RBFOX1: variants seen among roughly 807,000 people sequenced by gnomAD.
The protein encoded by RBFOX1 is RNA binding fox-1 homolog 1.
A neutral mutation model predicts 57.7 loss-of-function variants in RBFOX1; 8 were observed. That is an observed-to-expected ratio of 0.14 (90% CI 0.08 to 0.25). The LOEUF (loss-of-function observed/expected upper bound fraction) is 0.25. Among genes scored for constraint, RBFOX1 ranks in the 10% least tolerant of loss-of-function variants. The pLI is 1.00. For synonymous variants in RBFOX1, 326 were observed against 222.4 expected (o/e 1.47, Z -4.15); for missense variants, 611 against 548.5 (o/e 1.11, Z -1.14).
At chr16:6,577,650 A>G (rs1372094783) in intron 2 of RBFOX1, among the ~76,000 whole-genome samples, 2 of 152,166 alleles carry the variant, frequency 1.3e-5, no homozygotes, top group African/African-American at 2.4e-5. Context: ...GGAACCCACC[A>G]TGTCAATAAG....
intron 4 of RBFOX1, among the ~76,000 whole-genome samples, chr16:7,497,817 A>G (rs1003931273): frequency 1.3e-5 from 2 of 152,356 alleles, no homozygotes; most frequent in Non-Finnish European, 1.5e-5. Context: ...TGCCTTAAGC[A>G]TTCTGCATAC....
At chr16:6,931,309 C>G (rs1039742573) in intron 3 of RBFOX1, among the ~76,000 whole-genome samples, 1 of 127,252 alleles carries the variant, frequency 7.9e-6, no homozygotes, top group South Asian at 2.5e-4. Context: ...ATCTATCTAT[C>G]TATCTATCTA....
At chr16:6,834,745 C>A (rs11861289) in intron 3 of RBFOX1, among the ~76,000 whole-genome samples, 79,371 of 151,916 alleles carry the variant, frequency 0.52, 22,362 homozygotes, top group East Asian at 0.87. Flanking sequence ...TGCGACTGCT[C>A]GTGAGACAGT....
intron 2 of RBFOX1, among the ~76,000 whole-genome samples, chr16:6,509,686 A>G (rs560857243): frequency 4.3e-4 from 65 of 152,328 alleles, no homozygotes; most frequent in Non-Finnish European, 7.1e-4. Flanking sequence ...GTAAAAGAGT[A>G]TAATCGGATT....
At chr16:6,890,252 C>T (rs1371566048) in intron 3 of RBFOX1, among the ~76,000 whole-genome samples, 1 of 152,164 alleles carries the variant, frequency 6.6e-6, no homozygotes, top group Non-Finnish European at 1.5e-5. Flanking sequence ...GGCATGGTAG[C>T]TCATGCCTGT....
intron 12 of RBFOX1, among the ~76,000 whole-genome samples, chr16:7,659,710 G>A (rs1207234431): frequency 6.6e-6 from 1 of 152,220 alleles, no homozygotes; most frequent in Non-Finnish European, 1.5e-5. Flanking sequence ...TGGACAAGCT[G>A]CCTTTGCAGA....
At chr16:7,533,589 T>C (rs1415068344) in intron 5 of RBFOX1, among the ~76,000 whole-genome samples, 1 of 152,224 alleles carries the variant, frequency 6.6e-6, no homozygotes, top group African/African-American at 2.4e-5. Context: ...AACACTTGTA[T>C]GAGCCTACAG....
In RBFOX1 at chr16:5,971,184, A is replaced by G. The variant is rs557769071; in HGVS notation, c.351+103849A>G. Among the ~76,000 whole-genome samples, 4 of 152,368 alleles carry G rather than the reference A, an allele frequency of 2.6e-5. No individual in the cohort carries two copies. The East Asian group carries it at 7.7e-4, about 29-fold the overall frequency. ...TGCTGGCTCTGGGGATAGAGCAGTG[A>G]ACCAGACTTACTTATTATTTTTCCT... On this transcript the variant is annotated intron_variant, in intron 4 of 19. Coordinates refer to the RBFOX1 transcript ENST00000641259.
At chr16:6,220,779 G>A (rs1236031748) in intron 1 of RBFOX1, among the ~76,000 whole-genome samples, 1 of 151,518 alleles carries the variant, frequency 6.6e-6, no homozygotes, top group Non-Finnish European at 1.5e-5. Flanking sequence ...AGTACAATCA[G>A]CATTAAATTT....
chr16:7,286,876 G>C (rs143299545), intron 4 of RBFOX1, among the ~76,000 whole-genome samples: 7 of 151,988 alleles, frequency 4.6e-5, no homozygotes, highest in Admixed American at 2.6e-4. Context: ...TGATCCACCC[G>C]CCTCAGCCTC....
chr16:5,277,432 C>T, intron 1 of RBFOX1, among the ~76,000 whole-genome samples: 1 of 150,360 alleles, frequency 6.7e-6, no homozygotes, highest in South Asian at 2.1e-4. Context: ...CCACCTGTTC[C>T]CTAAAAACTA....
At chr16:5,443,638 C>A (rs1236942685) in intron 1 of RBFOX1, among the ~76,000 whole-genome samples, 1 of 152,194 alleles carries the variant, frequency 6.6e-6, no homozygotes, top group Non-Finnish European at 1.5e-5. Flanking sequence ...CCACACCTGG[C>A]CCATCTGAAT....
intron 1 of RBFOX1, among the ~76,000 whole-genome samples, chr16:6,264,926 C>T (rs567562967): frequency 2.6e-5 from 4 of 152,232 alleles, no homozygotes; most frequent in African/African-American, 7.2e-5. Context: ...AATAATTGAG[C>T]GAAGGAACTC....
chr16:6,847,584 G>C (rs1180489988), intron 3 of RBFOX1, among the ~76,000 whole-genome samples: 1 of 152,090 alleles, frequency 6.6e-6, no homozygotes, highest in Admixed American at 6.6e-5. Context: ...TCGCTGAAAA[G>C]TTGCATGGCA....
chr16:6,829,120 T>TC (rs1331586481), intron 3 of RBFOX1, among the ~76,000 whole-genome samples: 1 of 151,812 alleles, frequency 6.6e-6, no homozygotes, highest in Non-Finnish European at 1.5e-5. Flanking sequence ...ATCAGTAGAG[T>TC]CCCTATAGGT....
chr16:5,983,690 C>T (rs1024852132), intron 4 of RBFOX1, among the ~76,000 whole-genome samples: 1 of 152,094 alleles, frequency 6.6e-6, no homozygotes, highest in Non-Finnish European at 1.5e-5. Context: ...TTGGGGCTTC[C>T]CCACACCCAA....
chr16:5,747,868 G>A (rs956136677), intron 3 of RBFOX1, among the ~76,000 whole-genome samples: 4 of 152,072 alleles, frequency 2.6e-5, no homozygotes, highest in African/African-American at 9.6e-5. Context: ...TTGTGTCTCT[G>A]TTTCCTTCAG....
In RBFOX1 at chr16:6,804,929, C is replaced by T. The variant is rs564851446; in HGVS notation, c.-16+150279C>T. ...CAAAAAGCGAGATTCAAAGACTTCT[C>T]ATATGCTGTTGGTCGGAGTGTAAAT... On this transcript the variant is annotated intron_variant, in intron 3 of 15. Transcript: ENST00000550418. 3.9e-5 allele frequency among the ~76,000 whole-genome samples: 6 copies of T among 152,314 alleles called. No individual in the cohort carries two copies. In the South Asian group the frequency reaches 1.2e-3, roughly 32 times the overall value.
chr16:6,386,559 C>G (rs543788018), intron 2 of RBFOX1, among the ~76,000 whole-genome samples: 156 of 152,092 alleles, frequency 1.0e-3, no homozygotes, highest in Middle Eastern at 3.2e-3. Flanking sequence ...GAAAAAGCAG[C>G]AACAACCAAT....
Sources: gnomAD v4.1 joint callset for allele counts (sites outside exome capture counted in the v4.1 genomes callset) on GRCh38, gnomAD v4.1.1 for gene constraint, MANE v1.5 for transcripts, NCBI Gene and HGNC (gene_info 2026-07-23, HGNC 2026-07-21) for gene names.